Variants in GNA14 observed in about 807,000 individuals in gnomAD.
The protein encoded by GNA14 is guanine nucleotide-binding protein subunit alpha-14.
Under a neutral mutation model 42.0 loss-of-function variants are expected in GNA14, and 50 were observed. The observed-to-expected ratio is 1.19, with a 90% CI of 0.95 to 1.51. The LOEUF is 1.51. GNA14 is among the 40% of genes most tolerant of loss of function. The pLI is 0.00. For missense variants in GNA14, 473 were observed against 446.2 expected, an observed-to-expected ratio of 1.06 and a Z score of -0.54; for synonymous variants, 173 against 163.1, an observed-to-expected ratio of 1.06 and a Z score of -0.46.
chr9:77,623,615 G>T (rs1397722894), intron 1 of GNA14, among the ~76,000 whole-genome samples: 1 of 152,180 alleles, frequency 6.6e-6, no homozygotes, highest in Non-Finnish European at 1.5e-5. Context: ...GCAACGCACG[G>T]AGAGTGAGCC....
At chr9:77,554,608 T>C (rs1468853058) in intron 1 of GNA14, among the ~76,000 whole-genome samples, 1 of 152,206 alleles carries the variant, frequency 6.6e-6, no homozygotes, top group African/African-American at 2.4e-5. Context: ...TAATACTTCA[T>C]CCAAACAATT....
At chr9:77,475,425 C>T (rs1836401249) in intron 2 of GNA14, among the ~76,000 whole-genome samples, 1 of 152,156 alleles carries the variant, frequency 6.6e-6, no homozygotes, top group African/African-American at 2.4e-5. Flanking sequence ...ATGACAACAC[C>T]TGTCCTTGAG....
chr9:77,519,875 T>C (rs1054096733), intron 2 of GNA14, among the ~76,000 whole-genome samples: 28 of 151,760 alleles, frequency 1.8e-4, no homozygotes, highest in African/African-American at 6.5e-4. Flanking sequence ...CCAGGCATGG[T>C]GGTATATGCC....
chr9:77,646,464 C>T (rs1384401261), intron 1 of GNA14, among the ~76,000 whole-genome samples: 1 of 152,116 alleles, frequency 6.6e-6, no homozygotes, highest in East Asian at 1.9e-4. Context: ...GAAGGCCAGA[C>T]TGGGCCCTTT....
intron 1 of GNA14, among the ~76,000 whole-genome samples, chr9:77,539,552 C>G (rs1241555176): frequency 6.6e-6 from 1 of 152,158 alleles, no homozygotes; most frequent in African/African-American, 2.4e-5. Flanking sequence ...CCCTCCTCTT[C>G]AATCTTTTGG....
chr9:77,469,422 T>TG (rs1836290843), intron 2 of GNA14, among the ~76,000 whole-genome samples: 1 of 150,756 alleles, frequency 6.6e-6, no homozygotes, highest in Non-Finnish European at 1.5e-5. Flanking sequence ...AAGAATCAAT[T>TG]GTAGTTTTAT....
At chr9:77,623,741 T>C (rs1197767721) in intron 1 of GNA14, among the ~76,000 whole-genome samples, 1 of 152,154 alleles carries the variant, frequency 6.6e-6, no homozygotes, top group Non-Finnish European at 1.5e-5. Context: ...CTGGCCCCAA[T>C]ACTACACTTT....
intron 1 of GNA14, among the ~76,000 whole-genome samples, chr9:77,545,622 T>C (rs1310964814): frequency 1.3e-5 from 2 of 152,150 alleles, no homozygotes; most frequent in African/African-American, 4.8e-5. Flanking sequence ...ATCAACCACT[T>C]AAAACAGGCC....
intron 1 of GNA14, among the ~76,000 whole-genome samples, chr9:77,586,878 C>T (rs1323417624): frequency 6.6e-6 from 1 of 152,118 alleles, no homozygotes; most frequent in Non-Finnish European, 1.5e-5. Flanking sequence ...CGCCTGGTCC[C>T]CCAGGTAGCA....
At chr9:77,437,419 G>C (rs773058890) in intron 2 of GNA14, among the ~76,000 whole-genome samples, 1 of 152,086 alleles carries the variant, frequency 6.6e-6, no homozygotes, top group Non-Finnish European at 1.5e-5. Context: ...GGTGGTGCAT[G>C]CCTGTCATCC....
At chr9:77,533,816 G>A (rs548793348) in intron 1 of GNA14, among the ~76,000 whole-genome samples, 1 of 152,240 alleles carries the variant, frequency 6.6e-6, no homozygotes, top group African/African-American at 2.4e-5. Context: ...TTGCTAGTTG[G>A]CACATACAGA....
chr9:77,606,359 C>A (rs962132100), intron 1 of GNA14, among the ~76,000 whole-genome samples: 3 of 152,148 alleles, frequency 2.0e-5, no homozygotes, highest in Admixed American at 2.0e-4. Flanking sequence ...AGTCAAGCAA[C>A]ATTTCTCCCT....
chr9:77,509,310 A>G (rs1168033268), intron 2 of GNA14, among the ~76,000 whole-genome samples: 1 of 152,194 alleles, frequency 6.6e-6, no homozygotes, highest in Non-Finnish European at 1.5e-5. Flanking sequence ...ATCATATTCC[A>G]TTGCATGTAT....
intron 2 of GNA14, among the ~76,000 whole-genome samples, chr9:77,440,681 A>T (rs1350276114): frequency 6.6e-6 from 1 of 152,098 alleles, no homozygotes; most frequent in Non-Finnish European, 1.5e-5. Flanking sequence ...TTGTAGTGAG[A>T]ACACTTAAAA....
chr9:77,644,024 A>T (rs1824310877), intron 1 of GNA14, among the ~76,000 whole-genome samples: 6 of 152,204 alleles, frequency 3.9e-5, no homozygotes, highest in Admixed American at 3.9e-4. Context: ...TTTCTGGCTG[A>T]ATTTAGTCCT....
chr9:77,636,035 C>CA (rs1209391962), intron 1 of GNA14, among the ~76,000 whole-genome samples: 1 of 152,164 alleles, frequency 6.6e-6, no homozygotes, highest in Non-Finnish European at 1.5e-5. Context: ...AACACAGGTG[C>CA]ATTTTGAGTG....
chr9:77,545,230 A>G (rs1357910042), intron 1 of GNA14, among the ~76,000 whole-genome samples: 1 of 152,150 alleles, frequency 6.6e-6, no homozygotes, highest in Non-Finnish European at 1.5e-5. Flanking sequence ...CTCCACTTCT[A>G]AAGATAAATT....
At chr9:77,506,557 G>A (rs376093548) in intron 2 of GNA14, among the ~76,000 whole-genome samples, 64 of 151,914 alleles carry the variant, frequency 4.2e-4, no homozygotes, top group African/African-American at 1.4e-3. Context: ...CATGTCTGTA[G>A]TCCCAGCTAC....
At chr9:77,471,953 T>C (rs1836338101) in intron 2 of GNA14, among the ~76,000 whole-genome samples, 1 of 152,192 alleles carries the variant, frequency 6.6e-6, no homozygotes, top group Non-Finnish European at 1.5e-5. Flanking sequence ...AGAAGCAGCC[T>C]ATTGGGGTTG....
Sources: allele counts gnomAD v4.1 joint callset (sites outside exome capture counted in the v4.1 genomes callset), GRCh38; gene constraint gnomAD v4.1.1; transcripts MANE v1.5; gene names NCBI Gene and HGNC (gene_info 2026-07-23, HGNC 2026-07-21).